CSMD1: variants seen among roughly 807,000 people sequenced by gnomAD.
CSMD1 encodes the protein CUB and Sushi multiple domains 1, also known as CUB and sushi domain-containing protein 1.
In CSMD1, 213 loss-of-function variants were observed where a neutral mutation model predicts 417.5. The observed-to-expected ratio is 0.51, with a 90% CI of 0.46 to 0.57. The LOEUF (loss-of-function observed/expected upper bound fraction) is 0.57, where lower values mean the gene tolerates loss of function less well. Among genes scored for constraint, CSMD1 ranks in the 20% least tolerant of loss-of-function variants. The probability of loss-of-function intolerance (pLI) is 0.00; values close to 1 mark genes in which losing one functional copy is unlikely to be tolerated. For synonymous variants in CSMD1, 2,862 were observed against 1,736.8 expected, an observed-to-expected ratio of 1.65 and a Z score of -16.11; for missense variants, 6,923 against 4,529.7, an observed-to-expected ratio of 1.53 and a Z score of -15.17.
chr8:3,493,395 T>G (rs7833676), intron 11 of CSMD1, among the ~76,000 whole-genome samples: 7,463 of 152,058 alleles, frequency 0.049, 195 homozygotes, highest in Middle Eastern at 0.075. Context: ...TAAACATATA[T>G]GTTTTTAATA....
chr8:4,885,082 C>A (rs1379859680), intron 1 of CSMD1, among the ~76,000 whole-genome samples: 1 of 151,944 alleles, frequency 6.6e-6, no homozygotes, highest in East Asian at 1.9e-4. Context: ...TTATTGCATT[C>A]TTTTAGAAGC....
chr8:3,948,445 C>T (rs1357522567), intron 5 of CSMD1, among the ~76,000 whole-genome samples: 1 of 152,066 alleles, frequency 6.6e-6, no homozygotes, highest in East Asian at 1.9e-4. Flanking sequence ...TTGTGACACA[C>T]TTTGAATGTG....
chr8:3,933,683 G>T (rs565335093), intron 5 of CSMD1, among the ~76,000 whole-genome samples: 11 of 152,154 alleles, frequency 7.2e-5, no homozygotes, highest in South Asian at 6.2e-4. Flanking sequence ...AAAATGTTTC[G>T]CATGCAATTT....
chr8:3,415,712 G>A (rs1023178002), intron 12 of CSMD1, among the ~76,000 whole-genome samples: 2 of 152,074 alleles, frequency 1.3e-5, no homozygotes, highest in South Asian at 4.2e-4. Context: ...TTTATATGAA[G>A]ATTTTATATA....
intron 5 of CSMD1, among the ~76,000 whole-genome samples, chr8:3,816,861 G>A (rs1010656862): frequency 6.6e-6 from 1 of 152,024 alleles, no homozygotes; most frequent in African/African-American, 2.4e-5. Flanking sequence ...ATATTTCTCA[G>A]GGGTAAGGGG....
chr8:4,652,576 C>A (rs745584473), intron 1 of CSMD1, among the ~76,000 whole-genome samples: 5 of 151,824 alleles, frequency 3.3e-5, no homozygotes, highest in Non-Finnish European at 5.9e-5. Flanking sequence ...CGCTTGAACC[C>A]GGGAGGCAGA....
At chr8:4,235,034 C>G (rs1383414721) in intron 3 of CSMD1, among the ~76,000 whole-genome samples, 1 of 152,172 alleles carries the variant, frequency 6.6e-6, no homozygotes, top group Non-Finnish European at 1.5e-5. Context: ...GTTAAGTCTT[C>G]AACATTCGAA....
At chr8:4,522,323 G>C (rs1300729392) in intron 2 of CSMD1, among the ~76,000 whole-genome samples, 1 of 152,174 alleles carries the variant, frequency 6.6e-6, no homozygotes, top group Non-Finnish European at 1.5e-5. Context: ...ATGTGGAACT[G>C]TGAGTCTAAT....
At chr8:3,088,622 T>G (rs984244211) in intron 48 of CSMD1, among the ~76,000 whole-genome samples, 2 of 152,030 alleles carry the variant, frequency 1.3e-5, no homozygotes, top group Admixed American at 1.3e-4. Flanking sequence ...GCCTCTGAAG[T>G]ACCATTTCCT....
chr8:4,313,149 C>G (rs149681813), intron 3 of CSMD1, among the ~76,000 whole-genome samples: 4 of 152,264 alleles, frequency 2.6e-5, no homozygotes, highest in Non-Finnish European at 4.4e-5. Flanking sequence ...CAAGCTGGAA[C>G]TGGTCTTTAA....
At chr8:4,680,455 A>G (rs1805967310) in intron 1 of CSMD1, among the ~76,000 whole-genome samples, 1 of 152,194 alleles carries the variant, frequency 6.6e-6, no homozygotes, top group African/African-American at 2.4e-5. Flanking sequence ...TGTTCTCATC[A>G]TCGTACCTTC....
chr8:3,403,925 A>C (rs774313552), intron 15 of CSMD1, among the ~76,000 whole-genome samples: 1 of 152,198 alleles, frequency 6.6e-6, no homozygotes, highest in Non-Finnish European at 1.5e-5. Flanking sequence ...TACAAATGAA[A>C]TTTCAGCTAT....
At chr8:4,120,040 T>A (rs995015703) in intron 3 of CSMD1, among the ~76,000 whole-genome samples, 11 of 152,196 alleles carry the variant, frequency 7.2e-5, no homozygotes, top group African/African-American at 2.7e-4. Flanking sequence ...ATTGCACATT[T>A]AAAAATAACA....
chr8:3,225,724 G>A (rs1355103654), intron 27 of CSMD1, among the ~76,000 whole-genome samples: 1 of 152,200 alleles, frequency 6.6e-6, no homozygotes, highest in East Asian at 1.9e-4. Flanking sequence ...ATCCCAGGAG[G>A]CACTTTCAAA....
intron 4 of CSMD1, among the ~76,000 whole-genome samples, chr8:4,026,043 G>A (rs768297868): frequency 2.0e-5 from 3 of 150,868 alleles, no homozygotes; most frequent in South Asian, 2.1e-4. Flanking sequence ...ACCAGTTCCT[G>A]CAAATAAATA....
At chr8:4,071,949 G>T (rs1378294349) in intron 3 of CSMD1, among the ~76,000 whole-genome samples, 1 of 152,164 alleles carries the variant, frequency 6.6e-6, no homozygotes, top group African/African-American at 2.4e-5. Flanking sequence ...CAGCCACAGT[G>T]TGGGGCTCTC....
At chr8:4,402,283 C>G (rs574448053) in intron 3 of CSMD1, among the ~76,000 whole-genome samples, 2 of 151,984 alleles carry the variant, frequency 1.3e-5, no homozygotes, top group Non-Finnish European at 2.9e-5. Context: ...TCATTCCCCA[C>G]GGTCTTTGCC....
intron 68 of CSMD1, among the ~76,000 whole-genome samples, chr8:2,944,192 T>C (rs2128914788): frequency 6.6e-6 from 1 of 152,308 alleles, no homozygotes; most frequent in East Asian, 1.9e-4. Flanking sequence ...GCACCCAGGT[T>C]ATGGACGTGC....
At chr8:4,595,391 C>CTTTTTTTTTTTT (rs1585305185) in intron 2 of CSMD1, among the ~76,000 whole-genome samples, 1 of 52,400 alleles carries the variant, frequency 1.9e-5, no homozygotes, top group Admixed American at 2.2e-4. Flanking sequence ...CATTTTCATT[C>CTTTTTTTTTTTT]CATCCATCCA....
Sources: allele counts gnomAD v4.1 joint callset (sites outside exome capture counted in the v4.1 genomes callset), GRCh38; gene constraint gnomAD v4.1.1; transcripts MANE v1.5; gene names NCBI Gene and HGNC (gene_info 2026-07-23, HGNC 2026-07-21).